The following NPAS2 variants were observed in gnomAD, a reference collection of about 807,000 sequenced individuals.
The protein encoded by NPAS2 is neuronal PAS domain protein 2.
NPAS2 carries 23 observed loss-of-function variants against 107.5 expected under a neutral mutation model. The observed-to-expected ratio is 0.21, with a 90% CI of 0.15 to 0.30. The LOEUF is 0.30. Among genes scored for constraint, NPAS2 ranks in the 10% least tolerant of loss-of-function variants. The probability of loss-of-function intolerance (pLI) is 1.00; values close to 1 mark genes in which losing one functional copy is unlikely to be tolerated. For missense variants in NPAS2, 756 were observed against 1,043.3 expected (o/e 0.72, Z 3.79); for synonymous variants, 403 against 417.5 (o/e 0.97, Z 0.42).
In NPAS2 at chr2:100,877,837, T is replaced by G. The variant is rs1043840642; in HGVS notation, c.-22-26896T>G. 3 of 484,892 alleles carry G rather than the reference T, an allele frequency of 6.2e-6. No homozygotes were observed. In the African/African-American group the frequency reaches 6.3e-5, roughly 10 times the overall value. 30.0% of individuals were successfully genotyped at this position (484,892 alleles called of 1,614,324 possible). On this transcript the variant is annotated intron_variant, in intron 1 of 20. Transcript: ENST00000335681. ...AGCCGTGTCTTCAGCCGGTGCATCC[T>G]TTTTATTTCATTTCACATACTGCCT...
intron 7 of NPAS2, among the ~76,000 whole-genome samples, chr2:100,951,110 T>C (rs935885159): frequency 6.6e-6 from 1 of 152,096 alleles, no homozygotes; most frequent in African/African-American, 2.4e-5. Flanking sequence ...AATGTGCCGT[T>C]GGGGAGTACT....
chr2:100,995,725 A>G lies in NPAS2; in HGVS notation c.*143A>G. Reference sequence around the variant, plus strand: ...GTTTCAGAACTCCTGGATGGTAACCATCTCTGGAGTGCAGCGCTTGCTGCA... The same window carrying G: ...GTTTCAGAACTCCTGGATGGTAACCGTCTCTGGAGTGCAGCGCTTGCTGCA... On this transcript the variant is annotated 3_prime_UTR_variant, in exon 21 of 21. Transcript: ENST00000335681. 8 of 1,549,782 alleles carry G rather than the reference A, an allele frequency of 5.2e-6. No homozygotes were observed. The highest frequency in any genetic ancestry group is 7.0e-6 in the Non-Finnish European group (8 of 1,147,004).
chr2:100,856,017 A>C (rs577158474), intron 1 of NPAS2, among the ~76,000 whole-genome samples: 2 of 152,146 alleles, frequency 1.3e-5, no homozygotes, highest in African/African-American at 4.8e-5. Context: ...AACACATTCT[A>C]CTTATCACAT....
rs765818646 is a variant in NPAS2, at chr2:100,937,773, C to T, written c.294C>T (p.Ile98=). 9.3e-6 allele frequency: 15 copies of T among 1,613,910 alleles called. No individual in the cohort carries two copies. Among genetic ancestry groups the T allele is most frequent in the African/African-American group, 1.3e-5 (1 of 74,922 alleles). Residue 98 remains isoleucine, a synonymous_variant, in exon 5 of 21, where the codon ATC becomes ATT. Transcript: ENST00000335681. ...LMLEALDGFI[I]AVTTDGSIIY... The stretch of plus-strand genomic sequence containing the variant: ...CACAGGCATTAGATGGCTTCATTAT[C>T]GCAGTGACAACAGACGGCAGCATCA...
intron 2 of NPAS2, among the ~76,000 whole-genome samples, chr2:100,905,326 G>C (rs115570201): frequency 0.027 from 4,173 of 152,012 alleles, 103 homozygotes; most frequent in Non-Finnish European, 0.042. Flanking sequence ...CTGTGGTTGG[G>C]TCAACTAAAA....
At chr2:100,989,653 A>G (rs1402432499) in intron 17 of NPAS2, 2 of 152,306 alleles carry the variant, frequency 1.3e-5, no homozygotes, top group African/African-American at 4.8e-5. Context: ...CCTGCGTGCC[A>G]GGCACTAAAT....
chr2:100,907,894 T>G (rs1010346440), intron 2 of NPAS2, among the ~76,000 whole-genome samples: 5 of 152,182 alleles, frequency 3.3e-5, no homozygotes, highest in South Asian at 4.1e-4. Flanking sequence ...AATATAGTCC[T>G]TGTACTCAAG....
intron 15 of NPAS2, 144 bp downstream of exon 15, chr2:100,977,943 A>G: frequency 1.5e-6 from 1 of 675,390 alleles, no homozygotes; most frequent in Non-Finnish European, 2.6e-6. Flanking sequence ...GCCTGTGTCG[A>G]GCCATGAGGT....
chr2:100,897,502 A>C (rs1247598844), intron 1 of NPAS2, among the ~76,000 whole-genome samples: 2 of 151,658 alleles, frequency 1.3e-5, no homozygotes, highest in East Asian at 1.9e-4. Flanking sequence ...CCCTGGCTCC[A>C]CCTCCCCCTC....
intron 4 of NPAS2, among the ~76,000 whole-genome samples, chr2:100,936,287 A>T (rs1218313145): frequency 2.6e-5 from 4 of 152,190 alleles, no homozygotes. Flanking sequence ...GAAAGAATGA[A>T]TTGTCCACAC....
chr2:100,850,011 T>TAA lies in NPAS2; in HGVS notation c.-23+29622_-23+29623dup, dbSNP rs58359292. Reference sequence around the variant, plus strand: ...ATAGATCTAACAGTAACTCTTTTTGTAAAAAAAAAAAAAAAAAAAAAAAAA... The same window carrying TAA: ...ATAGATCTAACAGTAACTCTTTTTGTAAAAAAAAAAAAAAAAAAAAAAAAAAA... On this transcript the variant is annotated intron_variant, in intron 1 of 20. Coordinates refer to ENST00000335681, the MANE Select transcript of NPAS2 (RefSeq NM_002518.4). Among the ~76,000 whole-genome samples, 191 of 56,204 alleles carry TAA rather than the reference T, an allele frequency of 3.4e-3. 2 individuals carry two copies. Among genetic ancestry groups the TAA allele is most frequent in the African/African-American group, 0.014 (177 of 12,784 alleles). The allele number at this position is 56,204 out of a possible 152,430, so 36.9% of individuals were successfully genotyped here.
At position 100,887,092 on chromosome 2, in the gene NPAS2, A is replaced by C. The variant is rs566638680; in HGVS notation, c.-22-17641A>C. Among the ~76,000 whole-genome samples, 8 of 152,268 alleles carry C rather than the reference A, an allele frequency of 5.3e-5. No homozygotes were observed. In the South Asian group the frequency reaches 1.7e-3, roughly 32 times the overall value. Reference sequence around the variant, plus strand: ...TTGCTTCCTCGTTGGCCTGGGCTGCAAGGCCACTGTCCTCTTATGAGCCCT... The same window carrying C: ...TTGCTTCCTCGTTGGCCTGGGCTGCCAGGCCACTGTCCTCTTATGAGCCCT... On this transcript the variant is annotated intron_variant, in intron 1 of 20. Coordinates refer to ENST00000335681, the MANE Select transcript of NPAS2 (RefSeq NM_002518.4).
intron 15 of NPAS2, 52 bp from the exon 16 acceptor site, chr2:100,982,179 A>T: frequency 6.2e-7 from 1 of 1,602,818 alleles, no homozygotes; most frequent in Non-Finnish European, 8.5e-7. Context: ...ATCTGCCTGC[A>T]AGGCTGAAAT....
At chr2:100,841,403 T>C (rs377582816) in intron 1 of NPAS2, among the ~76,000 whole-genome samples, 1 of 152,200 alleles carries the variant, frequency 6.6e-6, no homozygotes, top group African/African-American at 2.4e-5. Context: ...ATTGCGCCAC[T>C]GCACTCCAGC....
At chr2:100,835,791 C>CT (rs973417350) in intron 1 of NPAS2, among the ~76,000 whole-genome samples, 57 of 152,202 alleles carry the variant, frequency 3.7e-4, no homozygotes, top group Non-Finnish European at 6.5e-4. Flanking sequence ...CTGGAAAACC[C>CT]GAGATGGACT....
In NPAS2 at chr2:100,996,013, T is replaced by C; in HGVS notation, c.*431T>C. ...GGAGAAGGACTGGGTCAGAGATCTG[T>C]TGGAGAGAGAGAATAAAGAGATTAT... is the stretch of plus-strand genomic sequence containing the variant. On this transcript the variant is annotated 3_prime_UTR_variant, in exon 21 of 21. Transcript: ENST00000335681. 1 of 1,166,728 alleles carries C rather than the reference T, an allele frequency of 8.6e-7. No individual in the cohort carries two copies. The highest frequency in any genetic ancestry group is 1.1e-6 in the Non-Finnish European group (1 of 910,992). The allele number at this position is 1,166,728 out of a possible 1,614,324, so 72.3% of individuals were successfully genotyped here. A position where few individuals can be genotyped will look rare whatever the true frequency, so the allele number is the denominator to read the frequency against.
intron 16 of NPAS2, chr2:100,982,740 C>T: frequency 4.5e-6 from 1 of 220,658 alleles, no homozygotes; most frequent in Non-Finnish European, 8.9e-6. Flanking sequence ...TTTCCTAGCT[C>T]CCAGCCCAGG....
intron 1 of NPAS2, among the ~76,000 whole-genome samples, chr2:100,881,858 C>T (rs940097982): frequency 1.3e-5 from 2 of 152,354 alleles, no homozygotes; most frequent in African/African-American, 4.8e-5. Flanking sequence ...TGGTCTCCCA[C>T]GTGCCCCATT....
Position 100,995,820 on chromosome 2 carries a change from T to G in NPAS2, c.*238T>G. 6.5e-7 allele frequency: 1 copy of G among 1,533,722 alleles called. No individual in the cohort carries two copies. The highest frequency in any genetic ancestry group is 8.8e-7 in the Non-Finnish European group (1 of 1,136,882). The stretch of plus-strand genomic sequence containing the variant: ...GGTTCTTGGGCACACTCTATAGCCA[T>G]ACTGGACAGGAACCAGGTGCCCCGT... On this transcript the variant is annotated 3_prime_UTR_variant, in exon 21 of 21. Transcript: ENST00000335681.
Sources: gnomAD v4.1 joint callset for allele counts (sites outside exome capture counted in the v4.1 genomes callset) on GRCh38, gnomAD v4.1.1 for gene constraint, MANE v1.5 for transcripts, NCBI Gene and HGNC (gene_info 2026-07-23, HGNC 2026-07-21) for gene names.